Variants in ISM1 observed in about 807,000 individuals in gnomAD.
The protein encoded by ISM1 is isthmin 1, also known as isthmin-1.
A neutral mutation model predicts 46.3 loss-of-function variants in ISM1; 25 were observed. The ratio of observed to expected loss-of-function variants is 0.54; its 90% CI spans 0.39 to 0.75. ISM1 has a LOEUF of 0.75. Among genes scored for constraint, ISM1 ranks in the 30% least tolerant of loss-of-function variants. The pLI is 0.00. For synonymous variants in ISM1, 255 were observed against 256.7 expected (o/e 0.99, Z 0.06); for missense variants, 536 against 625.4 (o/e 0.86, Z 1.52).
Position 13,299,750 on chromosome 20 carries a change from G to A in ISM1, c.*291G>A, listed in dbSNP as rs1307099186. The A allele has an allele frequency of 9.3e-6, 3 of 323,562 alleles. No individual in the cohort carries two copies. The East Asian group carries it at 1.5e-4, about 16-fold the overall frequency. 20.0% of individuals were successfully genotyped at this position (323,562 alleles called of 1,614,324 possible). ...GAAGAAGAACCTGGAAGCCACAGTG[G>A]GTGCGACTCAATTCACACCCGGATC... On this transcript the variant is annotated 3_prime_UTR_variant, in exon 6 of 6. Transcript: ENST00000262487. This position sits in a 1 kb window ranked among gnomAD's most constrained non-coding sequence, Gnocchi z 5.8.
intron 4 of ISM1, among the ~76,000 whole-genome samples, chr20:13,290,532 C>G (rs2040341423): frequency 6.6e-6 from 1 of 152,064 alleles, no homozygotes; most frequent in Admixed American, 6.6e-5. Flanking sequence ...GCCTGTAGTC[C>G]CAGCTACTCG....
chr20:13,226,430 A>G (rs116229681), intron 1 of ISM1, among the ~76,000 whole-genome samples: 1,874 of 151,808 alleles, frequency 0.012, 28 homozygotes, highest in African/African-American at 0.043. Context: ...TTTTTTAATG[A>G]TTGACAATTG....
intron 1 of ISM1, among the ~76,000 whole-genome samples, chr20:13,262,464 T>A (rs1470030286): frequency 6.6e-6 from 1 of 151,708 alleles, no homozygotes; most frequent in African/African-American, 2.4e-5. Flanking sequence ...TTTTTCTTTT[T>A]CTTTTTTTTT....
At chr20:13,306,650 C>T in the ISM1 span, among the ~76,000 whole-genome samples, 1 of 150,800 alleles carries the variant, frequency 6.6e-6, no homozygotes, top group Non-Finnish European at 1.5e-5. Context: ...AAGTCACTCA[C>T]TCTCTGTGTT....
intron 1 of ISM1, among the ~76,000 whole-genome samples, chr20:13,263,268 G>A (rs1019546815): frequency 1.3e-5 from 2 of 152,128 alleles, no homozygotes; most frequent in African/African-American, 4.8e-5. Context: ...TCTTCACAGT[G>A]CAGTTTTTCC....
Position 13,298,866 on chromosome 20 carries a change from G to A in ISM1, c.878-76G>A, listed in dbSNP as rs148388492. On this transcript the variant is annotated intron_variant, in intron 5 of 5. Coordinates refer to ENST00000262487, the MANE Select transcript of ISM1 (RefSeq NM_080826.2). ...TGCGGGCCCTCAGGAGCAGCCTGGT[G>A]TCACATGCTCCTTGAAGCACCTCCT... 1.2e-3 allele frequency: 1,792 copies of A among 1,478,672 alleles called. 20 individuals are homozygous for A. In the African/African-American group the frequency reaches 0.021, roughly 18 times the overall value. 91.6% of individuals were successfully genotyped at this position (1,478,672 alleles called of 1,614,324 possible). A position where few individuals can be genotyped will look rare whatever the true frequency, so the allele number is the denominator to read the frequency against.
At chr20:13,320,438 C>G in the ISM1 span, among the ~76,000 whole-genome samples, 1 of 152,176 alleles carries the variant, frequency 6.6e-6, no homozygotes, top group South Asian at 2.1e-4. Flanking sequence ...AAGCTGAAAA[C>G]AAGAGAACCG....
chr20:13,260,946 G>A (rs2039982628), intron 1 of ISM1, among the ~76,000 whole-genome samples: 1 of 152,172 alleles, frequency 6.6e-6, no homozygotes, highest in African/African-American at 2.4e-5. Context: ...TGGCAGGCTG[G>A]TGAATCTGGT....
chr20:13,264,067 C>T (rs1264364236), intron 1 of ISM1, among the ~76,000 whole-genome samples: 1 of 152,094 alleles, frequency 6.6e-6, no homozygotes, highest in East Asian at 1.9e-4. Context: ...CCTCGTTACC[C>T]AATGATAACT....
chr20:13,299,570 T>TACAA lies in ISM1; in HGVS notation c.*112_*113insCAAA. On this transcript the variant is annotated 3_prime_UTR_variant, in exon 6 of 6. Transcript: ENST00000262487. The surrounding 1 kb of genome is among the most constrained non-coding windows in gnomAD (Gnocchi z 5.8). ...TCATAGCTGCGGTCGTGTATATTTG[T>TACAA]ATATACCACATGAGTATTTCTCATA... 13 of 979,080 alleles carry TACAA rather than the reference T, an allele frequency of 1.3e-5. No homozygotes were observed. Among genetic ancestry groups the TACAA allele is most frequent in the South Asian group, 1.6e-5 (1 of 64,036 alleles). 60.6% of individuals were successfully genotyped at this position (979,080 alleles called of 1,614,324 possible).
chr20:13,317,275 C>T, the ISM1 span, among the ~76,000 whole-genome samples: 326 of 151,022 alleles, frequency 2.2e-3, no homozygotes, highest in African/African-American at 6.8e-3. Context: ...AAAAAAGCTA[C>T]AAATCTCTGA....
the ISM1 span, among the ~76,000 whole-genome samples, chr20:13,316,499 G>A: frequency 6.6e-6 from 1 of 151,782 alleles, no homozygotes; most frequent in Non-Finnish European, 1.5e-5. Context: ...AAAAAGTACT[G>A]ACCAACATAT....
the ISM1 span, among the ~76,000 whole-genome samples, chr20:13,311,357 A>C: frequency 6.6e-6 from 1 of 152,204 alleles, no homozygotes; most frequent in Non-Finnish European, 1.5e-5. Flanking sequence ...TGCTACAGCC[A>C]TTATGGGAAA....
chr20:13,222,132 G>T (rs2039457467), intron 1 of ISM1, among the ~76,000 whole-genome samples: 1 of 152,222 alleles, frequency 6.6e-6, no homozygotes, highest in Non-Finnish European at 1.5e-5. Context: ...TCTGCGGGCT[G>T]CGCTCCTTCA....
At chr20:13,263,644 A>T (rs1021665445) in intron 1 of ISM1, among the ~76,000 whole-genome samples, 2 of 152,224 alleles carry the variant, frequency 1.3e-5, no homozygotes, top group Non-Finnish European at 2.9e-5. Flanking sequence ...TGCTCGGCAC[A>T]GATAAAGCCC....
intron 1 of ISM1, among the ~76,000 whole-genome samples, chr20:13,263,771 C>T (rs557206065): frequency 4.6e-5 from 7 of 152,044 alleles, no homozygotes; most frequent in East Asian, 1.9e-4. Context: ...CAAGCATTGT[C>T]GATAATAATA....
the ISM1 span, among the ~76,000 whole-genome samples, chr20:13,307,460 T>C: frequency 1.3e-5 from 2 of 152,218 alleles, no homozygotes; most frequent in Non-Finnish European, 2.9e-5. Flanking sequence ...ATGTTCTATA[T>C]ATTGTGTGGT....
At chr20:13,320,255 T>G in the ISM1 span, among the ~76,000 whole-genome samples, 1 of 152,166 alleles carries the variant, frequency 6.6e-6, no homozygotes, top group Non-Finnish European at 1.5e-5. Context: ...GAGTGTGAGT[T>G]GAGCAAAAAT....
chr20:13,268,905 C>A (rs954798006), intron 1 of ISM1, among the ~76,000 whole-genome samples: 4 of 152,098 alleles, frequency 2.6e-5, no homozygotes, highest in African/African-American at 4.8e-5. Flanking sequence ...CAGAGCAAGA[C>A]CCTGTCTCTA....
Sources: gnomAD v4.1 joint callset for allele counts (sites outside exome capture counted in the v4.1 genomes callset) on GRCh38, gnomAD v4.1.1 for gene constraint, Gnocchi (gnomAD v3.1) non-coding constraint, MANE v1.5 for transcripts, NCBI Gene and HGNC (gene_info 2026-07-23, HGNC 2026-07-21) for gene names.